RMST: variants seen among roughly 807,000 people sequenced by gnomAD.
The protein encoded by RMST is long intergenic non-protein coding RNA 54.
At chr12:97,471,655 G>C (rs1182187165) in intron 5 of RMST, among the ~76,000 whole-genome samples, 1 of 152,116 alleles carries the variant, frequency 6.6e-6, no homozygotes, top group Non-Finnish European at 1.5e-5. Context: ...CTAATTTCAG[G>C]CATAAACCTT....
At chr12:97,506,232 A>G (rs1327711130) in intron 10 of RMST, among the ~76,000 whole-genome samples, 4 of 152,334 alleles carry the variant, frequency 2.6e-5, no homozygotes, top group Non-Finnish European at 5.9e-5. Flanking sequence ...TAACATAATT[A>G]AAACTTTATA....
At chr12:97,541,008 A>T (rs1456437747) in intron 11 of RMST, among the ~76,000 whole-genome samples, 1 of 148,114 alleles carries the variant, frequency 6.8e-6, no homozygotes, top group Non-Finnish European at 1.5e-5. Flanking sequence ...TTTTTGTCCC[A>T]GGTGTATATA....
At chr12:97,519,856 A>T (rs951110625) in intron 10 of RMST, among the ~76,000 whole-genome samples, 2 of 152,230 alleles carry the variant, frequency 1.3e-5, no homozygotes, top group Admixed American at 6.5e-5. Context: ...AATACACTTC[A>T]TGCTACTAAA....
chr12:97,537,764 T>C (rs1009031262), intron 11 of RMST, among the ~76,000 whole-genome samples: 1 of 151,538 alleles, frequency 6.6e-6, no homozygotes, highest in Non-Finnish European at 1.5e-5. Context: ...GGTTTCATGA[T>C]ATTCAGACAG....
At chr12:97,479,911 C>G (rs1225183995) in intron 5 of RMST, among the ~76,000 whole-genome samples, 1 of 152,116 alleles carries the variant, frequency 6.6e-6, no homozygotes, top group Non-Finnish European at 1.5e-5. Context: ...TCATCATCCC[C>G]CTTAACGTAG....
intron 10 of RMST, among the ~76,000 whole-genome samples, chr12:97,508,704 A>T (rs541178004): frequency 3.9e-5 from 6 of 152,056 alleles, no homozygotes; most frequent in Non-Finnish European, 8.8e-5. Context: ...CTTTTTTAGC[A>T]TCATTGAGTA....
chr12:97,475,243 G>C (rs1874402722), intron 5 of RMST, among the ~76,000 whole-genome samples: 1 of 152,144 alleles, frequency 6.6e-6, no homozygotes, highest in African/African-American at 2.4e-5. Context: ...TTTGTGCCCT[G>C]TGATTTGAGG....
chr12:97,497,799 G>A (rs549846932), intron 10 of RMST, among the ~76,000 whole-genome samples: 2 of 152,156 alleles, frequency 1.3e-5, no homozygotes, highest in African/African-American at 4.8e-5. Flanking sequence ...TAATTGTCAT[G>A]GTGAGGAGAT....
At chr12:97,501,654 C>A (rs1440633258) in intron 10 of RMST, among the ~76,000 whole-genome samples, 1 of 152,136 alleles carries the variant, frequency 6.6e-6, no homozygotes, top group Non-Finnish European at 1.5e-5. Context: ...CCTTGCTGGG[C>A]AGAGCAAGTT....
intron 4 of RMST, among the ~76,000 whole-genome samples, chr12:97,463,888 G>A (rs1222003496): frequency 2.6e-5 from 4 of 152,014 alleles, no homozygotes; most frequent in Admixed American, 6.6e-5. Flanking sequence ...TTTTTTTAAT[G>A]ATGAGGAGAA....
At chr12:97,501,292 T>G (rs905497065) in intron 10 of RMST, among the ~76,000 whole-genome samples, 2 of 152,346 alleles carry the variant, frequency 1.3e-5, no homozygotes, top group East Asian at 1.9e-4. Flanking sequence ...TTTTGTGCTT[T>G]TTTATCTAGG....
intron 11 of RMST, among the ~76,000 whole-genome samples, chr12:97,558,738 C>T (rs1175872512): frequency 6.6e-6 from 1 of 152,086 alleles, no homozygotes; most frequent in East Asian, 1.9e-4. Flanking sequence ...GCCTAATATA[C>T]TTCAATTTGT....
At chr12:97,555,124 G>A (rs1004664743) in intron 11 of RMST, among the ~76,000 whole-genome samples, 2 of 152,156 alleles carry the variant, frequency 1.3e-5, no homozygotes, top group East Asian at 3.8e-4. Context: ...ACCTTTAATT[G>A]CATGTCCCCC....
chr12:97,472,420 A>G (rs1288962609), intron 5 of RMST, among the ~76,000 whole-genome samples: 1 of 152,024 alleles, frequency 6.6e-6, no homozygotes, highest in East Asian at 1.9e-4. Context: ...CGCCTTAAAG[A>G]CTCAGATCCA....
At chr12:97,539,512 C>T (rs146073615) in intron 11 of RMST, among the ~76,000 whole-genome samples, 1 of 151,626 alleles carries the variant, frequency 6.6e-6, no homozygotes, top group African/African-American at 2.4e-5. Flanking sequence ...CCCAAGTCTG[C>T]TTTTACAGCA....
intron 10 of RMST, among the ~76,000 whole-genome samples, chr12:97,520,851 A>G (rs1296061896): frequency 6.6e-6 from 1 of 152,208 alleles, no homozygotes; most frequent in Non-Finnish European, 1.5e-5. Context: ...ACCTACACAG[A>G]AAAATCTACC....
chr12:97,503,466 A>G (rs1333059497), intron 10 of RMST, among the ~76,000 whole-genome samples: 1 of 152,066 alleles, frequency 6.6e-6, no homozygotes, highest in Non-Finnish European at 1.5e-5. Context: ...CAGGAAAAAA[A>G]AAAAAGGTGG....
intron 6 of RMST, chr12:97,493,058 CAA>C (rs1165108348): frequency 6.6e-6 from 1 of 152,306 alleles, no homozygotes; most frequent in Non-Finnish European, 1.5e-5. Flanking sequence ...AAAAATCAAG[CAA>C]AGTTAACATC....
intron 5 of RMST, chr12:97,491,932 C>G (rs1253033800): frequency 3.7e-6 from 2 of 533,568 alleles, no homozygotes; most frequent in Non-Finnish European, 7.7e-6. Flanking sequence ...GCCAAAGGCG[C>G]TTCTCCTTCT....
Sources: gnomAD v4.1 joint callset for allele counts (sites outside exome capture counted in the v4.1 genomes callset) on GRCh38, gnomAD v4.1.1 for gene constraint, MANE v1.5 for transcripts, NCBI Gene and HGNC (gene_info 2026-07-23, HGNC 2026-07-21) for gene names.